Variants in NUAK2 observed in about 807,000 individuals in gnomAD.
NUAK2 encodes NUAK family kinase 2.
Under a neutral mutation model 29.8 loss-of-function variants are expected in NUAK2, and 20 were observed. The ratio of observed to expected loss-of-function variants is 0.67; its 90% CI spans 0.47 to 0.98. The LOEUF is 0.98. NUAK2 is among the 50% of genes least tolerant of loss of function. The pLI, the probability that NUAK2 is intolerant of heterozygous loss-of-function variation, is 0.00. For synonymous variants in NUAK2, 331 were observed against 342.6 expected (o/e 0.97, Z 0.37); for missense variants, 719 against 834.5 (o/e 0.86, Z 1.71).
chr1:205,319,083 C>G (rs566402420), intron 1 of NUAK2, among the ~76,000 whole-genome samples: 2 of 145,462 alleles, frequency 1.4e-5, no homozygotes, highest in Middle Eastern at 3.5e-3. Context: ...TCTCGATTCA[C>G]GAAGGACAGT....
In NUAK2 at chr1:205,308,786, A is replaced by G; in HGVS notation, c.353-54T>C. On this transcript the variant is annotated intron_variant, in intron 2 of 6. Transcript: ENST00000367157. This position sits in a 1 kb window ranked among gnomAD's most constrained non-coding sequence, Gnocchi z 4.1. ...GCCCTCCCAGAGTGCACTGCTCTCCACTGGGGGTGACTCACTCCTCCCCGA... is the reference window on the plus strand; with the variant it reads ...GCCCTCCCAGAGTGCACTGCTCTCCGCTGGGGGTGACTCACTCCTCCCCGA... 6.3e-7 allele frequency: 1 copy of G among 1,588,508 alleles called. No individual in the cohort carries two copies. Among genetic ancestry groups the G allele is most frequent in the Non-Finnish European group, 8.6e-7 (1 of 1,162,494 alleles).
intron 6 of NUAK2, 85 bp downstream of exon 6, chr1:205,305,114 T>G (rs945249810): frequency 6.3e-5 from 96 of 1,529,596 alleles, no homozygotes; most frequent in Non-Finnish European, 8.3e-5. Flanking sequence ...CCCGTTTGAC[T>G]TTAGTGCCAC....
Position 205,304,074 on chromosome 1 carries a change from C to T in NUAK2, c.1263G>A (p.Gly421=), listed in dbSNP as rs763547749. The change falls in exon 7 of 7, where the codon GGG becomes GGA. Residue 421 remains glycine (G), a synonymous_variant. Transcript: ENST00000367157. The surrounding 1 kb of genome is among the most constrained non-coding windows in gnomAD (Gnocchi z 6.5). ...LKKKVSASAE[G]VQEDPPELSP... ...TGAGCTCCGGAGGGTCCTCCTGTAC[C>T]CCTTCTGCAGAGGCTGACACCTTCT... 5 of 1,614,172 alleles carry T rather than the reference C, an allele frequency of 3.1e-6. No homozygotes were observed. Among genetic ancestry groups the T allele is most frequent in the Non-Finnish European group, 4.2e-6 (5 of 1,180,030 alleles).
intron 1 of NUAK2, among the ~76,000 whole-genome samples, chr1:205,321,187 T>C (rs1232469580): frequency 2.0e-5 from 3 of 152,232 alleles, no homozygotes; most frequent in African/African-American, 4.8e-5. Context: ...TGTTGCTGGC[T>C]GGGGTTCGCA....
In NUAK2 at chr1:205,308,840, C is replaced by G. The variant is rs1662219098; in HGVS notation, c.353-108G>C. The G allele has an allele frequency of 7.8e-7, 1 of 1,285,854 alleles. No homozygotes were observed. Among genetic ancestry groups the G allele is most frequent in the Non-Finnish European group, 1.1e-6 (1 of 918,274 alleles). 79.7% of individuals were successfully genotyped at this position (1,285,854 alleles called of 1,614,324 possible). ...CAGGCCCCAAACCAGACAGGACCCC[C>G]CTCCAGGAATATCTGCTAATGGGGC... On this transcript the variant is annotated intron_variant, in intron 2 of 6. Coordinates refer to ENST00000367157, the MANE Select transcript of NUAK2 (RefSeq NM_030952.3). The surrounding 1 kb of genome is among the most constrained non-coding windows in gnomAD (Gnocchi z 4.1).
Position 205,303,844 on chromosome 1 carries a change from C to T in NUAK2, c.1493G>A (p.Arg498His), listed in dbSNP as rs753606733. Residue 498 changes from arginine to histidine, a missense_variant, in exon 7 of 7, where the codon CGC becomes CAC. Coordinates refer to ENST00000367157, the MANE Select transcript of NUAK2 (RefSeq NM_030952.3). ...PPQASGLLLH[R>H]KGILKLNGKF... Reference sequence around the variant, plus strand: ...GCCATTGAGTTTGAGGATGCCTTTGCGATGGAGGAGCAGCCCTGAAGCTTG... The same window carrying T: ...GCCATTGAGTTTGAGGATGCCTTTGTGATGGAGGAGCAGCCCTGAAGCTTG... The T allele has an allele frequency of 3.3e-5, 53 of 1,608,964 alleles. No individual in the cohort carries two copies. Among genetic ancestry groups the T allele is most frequent in the Middle Eastern group, 1.7e-4 (1 of 6,034 alleles).
At position 205,308,680 on chromosome 1, in the gene NUAK2, G is replaced by T. The variant is rs55638220; in HGVS notation, c.405C>A (p.Gly135=). The T allele has an allele frequency of 2.5e-6, 4 of 1,613,976 alleles. No individual in the cohort carries two copies. The highest frequency in any genetic ancestry group is 3.3e-5 in the Admixed American group (2 of 59,990). ...GCTCGCTGATGTAGTCATAAAGGTC[G>T]CCCCGGCTGGCATACTCCATGACGA... ...IVIVMEYASR[G]DLYDYISERQ... is the part of the protein sequence containing the mutation. Residue 135 remains glycine, a synonymous_variant, in exon 3 of 7, where the codon GGC becomes GGA. Transcript: ENST00000367157. The surrounding 1 kb of genome is among the most constrained non-coding windows in gnomAD (Gnocchi z 4.1).
chr1:205,304,413 G>A lies in NUAK2; in HGVS notation c.924C>T (p.Ala308=), dbSNP rs1280161823. The A allele has an allele frequency of 1.3e-6, 2 of 1,598,284 alleles. No individual in the cohort carries two copies. Among genetic ancestry groups the A allele is most frequent in the Non-Finnish European group, 1.7e-6 (2 of 1,170,744 alleles). Residue 308 remains alanine (A), a synonymous_variant, in exon 7 of 7, where the codon GCC becomes GCT. Coordinates refer to ENST00000367157, the MANE Select transcript of NUAK2 (RefSeq NM_030952.3). The surrounding 1 kb of genome is among the most constrained non-coding windows in gnomAD (Gnocchi z 6.5). The part of the protein sequence containing the change: ...ASHWWVNWGY[A]TRVGEQEAPH... ...GAGCCTCCTGCTCTCCCACTCGGGT[G>A]GCGTAGCCCCAGTTGACCCACCAGT...
intron 2 of NUAK2, among the ~76,000 whole-genome samples, chr1:205,309,341 T>A (rs1440829627): frequency 6.6e-6 from 1 of 152,132 alleles, no homozygotes; most frequent in Non-Finnish European, 1.5e-5. Context: ...TTTCTTTATT[T>A]ATTGAGACAG....
At chr1:205,306,441 C>T in intron 4 of NUAK2, 134 bp from the exon 5 acceptor site, 2 of 1,159,704 alleles carry the variant, frequency 1.7e-6, no homozygotes, top group Non-Finnish European at 2.4e-6. Context: ...TGACCCTTAC[C>T]CCACACTGAG....
chr1:205,319,924 TAC>T (rs377521023), intron 1 of NUAK2, among the ~76,000 whole-genome samples: 149 of 78,188 alleles, frequency 1.9e-3, no homozygotes, highest in African/African-American at 2.7e-3. Flanking sequence ...GGGCAAACCA[TAC>T]ACACACACAC....
intron 1 of NUAK2, among the ~76,000 whole-genome samples, chr1:205,315,990 A>T (rs1211802516): frequency 6.6e-6 from 1 of 152,200 alleles, no homozygotes; most frequent in African/African-American, 2.4e-5. Flanking sequence ...TGGTCTAATT[A>T]CTAATATTGC....
In NUAK2 at chr1:205,308,434, C is replaced by T; in HGVS notation, c.504+147G>A. The T allele has an allele frequency of 1.1e-6, 1 of 930,876 alleles. No homozygotes were observed. The highest frequency in any genetic ancestry group is 1.7e-6 in the Non-Finnish European group (1 of 605,786). 57.7% of individuals were successfully genotyped at this position (930,876 alleles called of 1,614,324 possible). A position where few individuals can be genotyped will look rare whatever the true frequency, so the allele number is the denominator to read the frequency against. On this transcript the variant is annotated intron_variant, in intron 3 of 6. Transcript: ENST00000367157. The surrounding 1 kb of genome is among the most constrained non-coding windows in gnomAD (Gnocchi z 4.1). ...GAGAAGGGACTCAAAGTCAGAGACA[C>T]TGACATTTCCCTGAGAGTCCAGAAT...
chr1:205,321,327 C>A, intron 1 of NUAK2, 71 bp downstream of exon 1: 1 of 1,344,970 alleles, frequency 7.4e-7, no homozygotes, highest in Non-Finnish European at 9.9e-7. Context: ...AGCCGCCGCC[C>A]GCCCTCCTCC....
Position 205,303,509 on chromosome 1 carries a change from A to G in NUAK2, c.1828T>C (p.Cys610Arg). 1 of 1,612,504 alleles carries G rather than the reference A, an allele frequency of 6.2e-7. No individual in the cohort carries two copies. The highest frequency in any genetic ancestry group is 8.5e-7 in the Non-Finnish European group (1 of 1,179,356). The change falls in exon 7 of 7, where the codon TGC becomes CGC. Residue 610 changes from cysteine (C) to arginine (R), a missense_variant. By Grantham distance (180) the Cys-to-Arg change is radical (BLOSUM62 -3). Coordinates refer to ENST00000367157, the MANE Select transcript of NUAK2 (RefSeq NM_030952.3). ...LGDSCFSLTD[C>R]QEVTATYRQA... Reference sequence around the variant, plus strand: ...CGGTAGGTCGCTGTCACCTCCTGGCAGTCTGTCAGGGAAAAGCAGCTGTCC... The same window carrying G: ...CGGTAGGTCGCTGTCACCTCCTGGCGGTCTGTCAGGGAAAAGCAGCTGTCC...
intron 1 of NUAK2, among the ~76,000 whole-genome samples, chr1:205,316,657 C>T (rs1662332597): frequency 6.6e-6 from 1 of 152,180 alleles, no homozygotes; most frequent in Admixed American, 6.5e-5. Flanking sequence ...GATCTCTACG[C>T]ACCCTTCCAA....
intron 1 of NUAK2, among the ~76,000 whole-genome samples, chr1:205,315,107 A>C (rs1055168516): frequency 6.6e-6 from 1 of 152,188 alleles, no homozygotes; most frequent in East Asian, 1.9e-4. Context: ...CCAGGTATCC[A>C]TATTAGGTCC....
chr1:205,305,663 C>T (rs562045427), intron 5 of NUAK2: 1 of 260,212 alleles, frequency 3.8e-6, no homozygotes, highest in South Asian at 1.5e-4. Context: ...AAAGAACTAA[C>T]CTAGGAGTCA....
Position 205,306,292 on chromosome 1 carries a change from GA to G in NUAK2, c.585del (p.Leu196SerfsTer63). The stretch of plus-strand genomic sequence containing the variant: ...TTGCCTTGATGGTAGAGGTTGGAGA[GA>G]CCGAAGTCAGCAATCTGCAGGATTG... ...ANGNIKIADF[G>X]LSNLYHQGKF... is the part of the protein sequence containing the mutation. On this transcript the variant is annotated frameshift_variant, in exon 5 of 7. Coordinates refer to ENST00000367157, the MANE Select transcript of NUAK2 (RefSeq NM_030952.3). LOFTEE classifies it high-confidence loss of function. 6.2e-7 allele frequency: 1 copy of G among 1,613,012 alleles called. No individual in the cohort carries two copies. Among genetic ancestry groups the G allele is most frequent in the African/African-American group, 1.3e-5 (1 of 74,972 alleles).
Sources: gnomAD v4.1 joint callset for allele counts (sites outside exome capture counted in the v4.1 genomes callset) on GRCh38, gnomAD v4.1.1 for gene constraint, Gnocchi (gnomAD v3.1) non-coding constraint, MANE v1.5 for transcripts, NCBI Gene and HGNC (gene_info 2026-07-23, HGNC 2026-07-21) for gene names.